MAN1B1: variants seen among roughly 807,000 people sequenced by gnomAD.
MAN1B1 encodes the protein endoplasmic reticulum mannosyl-oligosaccharide 1,2-alpha-mannosidase.
MAN1B1 carries 66 observed loss-of-function variants against 75.5 expected under a neutral mutation model. That is an observed-to-expected ratio of 0.87 (90% CI 0.72 to 1.07). The LOEUF is 1.07. Among genes scored for constraint, MAN1B1 ranks in the 50% least tolerant of loss-of-function variants. MAN1B1 has a pLI of 0.00. For missense variants in MAN1B1, 973 were observed against 912.5 expected (o/e 1.07, Z -0.85); for synonymous variants, 453 against 382.8 (o/e 1.18, Z -2.14).
chr9:137,088,629 G>A, intron 2 of MAN1B1: 1 of 690,998 alleles, frequency 1.4e-6, no homozygotes, highest in South Asian at 1.8e-5. Flanking sequence ...GAACGTCCCT[G>A]AATGGAAAAT....
At chr9:137,100,932 A>C in intron 6 of MAN1B1, 73 bp from the exon 7 acceptor site, 5 of 1,569,764 alleles carry the variant, frequency 3.2e-6, no homozygotes, top group Non-Finnish European at 4.4e-6. Context: ...ATGTATTTTG[A>C]AGATGGATAG....
At position 137,096,401 on chromosome 9, in the gene MAN1B1, G is replaced by T. The variant is rs555579644; in HGVS notation, c.620+10G>T. The T allele has an allele frequency of 6.2e-7, 1 of 1,612,904 alleles. No individual in the cohort carries two copies. ...AGAGGACAGTCATCAGGTACAGAGC[G>T]CAGGGCAGGCTGCACGCCGCCGCTC... is the stretch of plus-strand genomic sequence containing the variant. On this transcript the variant is annotated intron_variant, in intron 4 of 12. Coordinates refer to ENST00000371589, the MANE Select transcript of MAN1B1 (RefSeq NM_016219.5).
In MAN1B1 at chr9:137,101,108, G is replaced by C. The variant is rs551692238; in HGVS notation, c.1020G>C (p.Leu340=). The C allele has an allele frequency of 6.2e-7, 1 of 1,614,150 alleles. No individual in the cohort carries two copies. The highest frequency in any genetic ancestry group is 2.2e-5 in the East Asian group (1 of 44,884). The change falls in exon 7 of 13, where the codon CTG becomes CTC. Residue 340 remains leucine, a synonymous_variant. Transcript: ENST00000371589. The stretch of plus-strand genomic sequence containing the variant: ...CGATCCGCATCCTGGGGGGGCTCCT[G>C]AGTGCCTACCACCTGTCTGGGGACA... ...ESTIRILGGL[L]SAYHLSGDSL...
intron 3 of MAN1B1, 123 bp from the exon 4 acceptor site, chr9:137,096,114 T>C: frequency 9.7e-7 from 1 of 1,032,954 alleles, no homozygotes; most frequent in Non-Finnish European, 1.5e-6. Flanking sequence ...ACGAAAGTAA[T>C]TTAGTCAGAG....
rs575361734 is a variant in MAN1B1 at position 137,087,212 on chromosome 9, C to G, written c.213C>G (p.Cys71Trp). 3.0e-4 allele frequency: 474 copies of G among 1,577,202 alleles called. 1 individual carries two copies. Among genetic ancestry groups the G allele is most frequent in the Non-Finnish European group, 3.7e-4 (431 of 1,161,930 alleles). The change falls in exon 1 of 13, where the codon TGC (cysteine) becomes TGG (tryptophan). Residue 71 changes from cysteine to tryptophan, a missense_variant. By Grantham distance (215) the Cys-to-Trp change is radical. Coordinates refer to ENST00000371589, the MANE Select transcript of MAN1B1 (RefSeq NM_016219.5). The part of the protein sequence containing the change: ...DNSKSWRRRS[C>W]WRKWKQLSRL... Reference sequence around the variant, plus strand: ...GCAAGAGTTGGCGGCGGCGCTCGTGCTGGAGGGTGAGGGTCGCGCCGGGCT... The same window carrying G: ...GCAAGAGTTGGCGGCGGCGCTCGTGGTGGAGGGTGAGGGTCGCGCCGGGCT...
chr9:137,088,026 TC>T (rs1486098662), intron 1 of MAN1B1, 48 bp from the exon 2 acceptor site: 1 of 1,376,776 alleles, frequency 7.3e-7, no homozygotes, highest in Non-Finnish European at 1.0e-6. Context: ...GTTGAGACGT[TC>T]CGTGTGATAT....
At chr9:137,101,998 TG>T (rs1294351256) in intron 8 of MAN1B1, 1 of 523,070 alleles carries the variant, frequency 1.9e-6, no homozygotes, top group Non-Finnish European at 3.7e-6. Flanking sequence ...TACAGGTCGG[TG>T]GTGTTACACA....
intron 8 of MAN1B1, chr9:137,103,890 C>T (rs997806871): frequency 2.2e-6 from 1 of 453,360 alleles, no homozygotes; most frequent in Non-Finnish European, 4.4e-6. Flanking sequence ...TACACACATT[C>T]ATGCTGTTGC....
intron 8 of MAN1B1, chr9:137,105,160 TTGTTA>T (rs1831049020): frequency 6.6e-6 from 1 of 152,464 alleles, no homozygotes; most frequent in Non-Finnish European, 1.5e-5. Flanking sequence ...TCTTTTTACT[TTGTTA>T]ATGGTGTATT....
intron 3 of MAN1B1, among the ~76,000 whole-genome samples, chr9:137,095,224 T>A (rs1296217079): frequency 6.6e-6 from 1 of 151,828 alleles, no homozygotes; most frequent in East Asian, 2.0e-4. Flanking sequence ...TGGCTAATTG[T>A]TCGTAATTTT....
At chr9:137,107,724 T>C (rs909249303) in intron 12 of MAN1B1, 62 bp downstream of exon 12, 1 of 1,609,750 alleles carries the variant, frequency 6.2e-7, no homozygotes, top group Non-Finnish European at 8.5e-7. Flanking sequence ...GGCTGGGCTG[T>C]GGGGCTCAGG....
At chr9:137,103,338 A>G (rs1830958505) in intron 8 of MAN1B1, 1 of 423,490 alleles carries the variant, frequency 2.4e-6, no homozygotes, top group Non-Finnish European at 4.6e-6. Flanking sequence ...GGTGTTACAC[A>G]TTTTCACGCT....
At chr9:137,099,578 C>A in intron 5 of MAN1B1, 118 bp from the exon 6 acceptor site, 1 of 1,176,704 alleles carries the variant, frequency 8.5e-7, no homozygotes, top group Non-Finnish European at 1.3e-6. Context: ...CCCGTCGTCC[C>A]AAACCCACCG....
In MAN1B1 at chr9:137,098,027, G is replaced by C. The variant is rs12554429; in HGVS notation, c.730+90G>C. On this transcript the variant is annotated intron_variant, in intron 5 of 12. Transcript: ENST00000371589. ...CTTCGTCTCAGCCATGGTGGGTGGC[G>C]CCCCCGCCCTGGTGTGCACCTTGCC... The C allele has an allele frequency of 0.33, 320,458 of 982,626 alleles. 53,663 individuals carry two copies. Among genetic ancestry groups the C allele is most frequent in the African/African-American group, 0.4 (25,089 of 62,354 alleles). The allele number at this position is 982,626 out of a possible 1,614,324, so 60.9% of individuals were successfully genotyped here. A position where few individuals can be genotyped will look rare whatever the true frequency, so the allele number is the denominator to read the frequency against.
intron 1 of MAN1B1, 44 bp downstream of exon 1, chr9:137,087,262 C>T (rs776180981): frequency 6.5e-7 from 1 of 1,542,292 alleles, no homozygotes; most frequent in South Asian, 1.2e-5. Flanking sequence ...GCTGCCGTGC[C>T]CGCCGCCCTC....
At chr9:137,097,965 C>T (rs376125046) in intron 5 of MAN1B1, 28 bp downstream of exon 5, 12 of 1,519,022 alleles carry the variant, frequency 7.9e-6, no homozygotes, top group Middle Eastern at 1.8e-4. Context: ...CCCCTTCCTC[C>T]CCGGGCGCTC....
rs769183363 is a variant in MAN1B1 at position 137,096,320 on chromosome 9, G to A, written c.549G>A (p.Glu183=). ...PSQDLKDGTQ[E]EATKRQEAPV... ...AAGACCTGAAGGATGGGACCCAGGA[G>A]GAGGCCACAAAAAGGCAAGAAGCCC... The change falls in exon 4 of 13, where the codon GAG becomes GAA. Residue 183 remains glutamate (E), a synonymous_variant. Coordinates refer to ENST00000371589, the MANE Select transcript of MAN1B1 (RefSeq NM_016219.5). 3.7e-6 allele frequency: 6 copies of A among 1,613,986 alleles called. No individual in the cohort carries two copies. In the Admixed American group the frequency reaches 1.0e-4, roughly 27 times the overall value.
intron 4 of MAN1B1, 82 bp from the exon 5 acceptor site, chr9:137,097,746 C>T: frequency 1.8e-6 from 2 of 1,090,220 alleles, no homozygotes; most frequent in Non-Finnish European, 2.7e-6. Context: ...TGTGCCTTGG[C>T]CGTGGGTATG....
At chr9:137,096,113 A>G in intron 3 of MAN1B1, 124 bp from the exon 4 acceptor site, 2 of 1,025,766 alleles carry the variant, frequency 1.9e-6, no homozygotes, top group Non-Finnish European at 3.0e-6. Flanking sequence ...AACGAAAGTA[A>G]TTTAGTCAGA....
Sources: gnomAD v4.1 joint callset for allele counts (sites outside exome capture counted in the v4.1 genomes callset) on GRCh38, gnomAD v4.1.1 for gene constraint, MANE v1.5 for transcripts, NCBI Gene and HGNC (gene_info 2026-07-23, HGNC 2026-07-21) for gene names.